PGAP4: variants seen among roughly 807,000 people sequenced by gnomAD.
PGAP4 encodes GPI-N-acetylgalactosamine transferase PGAP4.
PGAP4 carries 12 observed loss-of-function variants against 28.2 expected under a neutral mutation model. The observed-to-expected ratio is 0.42, with a 90% CI of 0.27 to 0.69. The LOEUF (loss-of-function observed/expected upper bound fraction) is 0.69, where lower values mean the gene tolerates loss of function less well. PGAP4 is among the 30% of genes least tolerant of loss of function. PGAP4 has a pLI of 0.22. For synonymous variants in PGAP4, 205 were observed against 211.8 expected, an observed-to-expected ratio of 0.97 and a Z score of 0.28; for missense variants, 425 against 513.5, an observed-to-expected ratio of 0.83 and a Z score of 1.67.
intron 2 of PGAP4, chr9:101,501,691 T>C (rs1421696639): frequency 1.9e-6 from 1 of 518,598 alleles, no homozygotes; most frequent in South Asian, 1.4e-5. Flanking sequence ...CCACATTCAC[T>C]GAGTAGAACT....
chr9:101,508,383 C>T (rs1283317156), intron 2 of PGAP4, among the ~76,000 whole-genome samples: 2 of 152,194 alleles, frequency 1.3e-5, no homozygotes, highest in East Asian at 1.9e-4. Context: ...GATTTCTTCA[C>T]ATCTGCAGGC....
At chr9:101,511,757 A>G (rs1214769592) in intron 2 of PGAP4, among the ~76,000 whole-genome samples, 1 of 152,002 alleles carries the variant, frequency 6.6e-6, no homozygotes, top group Middle Eastern at 3.4e-3. Flanking sequence ...TCCTGGGATG[A>G]CTCCTGTCCA....
intron 2 of PGAP4, among the ~76,000 whole-genome samples, chr9:101,503,241 A>G (rs1826819053): frequency 6.6e-6 from 1 of 152,092 alleles, no homozygotes; most frequent in Non-Finnish European, 1.5e-5. Context: ...AAAAGCTTCA[A>G]GTTAAAGATG....
At chr9:101,505,148 A>T (rs1826839557) in intron 2 of PGAP4, among the ~76,000 whole-genome samples, 1 of 152,150 alleles carries the variant, frequency 6.6e-6, no homozygotes, top group East Asian at 1.9e-4. Context: ...TCCACTTTGC[A>T]GTAAGCCTAT....
rs570134981 is a variant in PGAP4, at chr9:101,496,660, A to G, written c.-164-7460T>C. Among the ~76,000 whole-genome samples the G allele has an allele frequency of 1.0e-3, 156 of 151,524 alleles. 1 individual carries two copies. In the Middle Eastern group the frequency reaches 0.029, roughly 28 times the overall value. On this transcript the variant is annotated intron_variant, in intron 2 of 3. Transcript: ENST00000374851. ...AGAACTTGTATACACCATTGATTAC[A>G]TGTTTAGACATTTTGGTTTGTCTTA...
In PGAP4 at chr9:101,474,135, G is replaced by T. The variant is rs981270476; in HGVS notation, c.*1746C>A. The T allele has an allele frequency of 6.6e-6, 1 of 152,154 alleles. No homozygotes were observed. Among genetic ancestry groups the T allele is most frequent in the Non-Finnish European group, 1.5e-5 (1 of 68,032 alleles). 9.4% of individuals were successfully genotyped at this position (152,154 alleles called of 1,614,324 possible). A position where few individuals can be genotyped will look rare whatever the true frequency, so the allele number is the denominator to read the frequency against. On this transcript the variant is annotated 3_prime_UTR_variant, in exon 2 of 2. Transcript: ENST00000374848. ...TAATGTGGTTAAGAAAAAAGTGCAG[G>T]GGCTTGAAGTCAGAAGAGCTCCGTT...
rs1330183668 is a variant in PGAP4, at chr9:101,476,820, G to A, written c.273C>T (p.Pro91=). ...GCCGGGGGGTGGCCTGCCAGACAAT[G>A]GGCACTGAGCCATTGGCAGAGGGAA... is the stretch of plus-strand genomic sequence containing the variant. The part of the protein sequence containing the change: ...EELPSANGSV[P]IVWQATPRPW... Residue 91 remains proline, a synonymous_variant, in exon 2 of 2, where the codon CCC becomes CCT. Coordinates refer to ENST00000374848, the MANE Select transcript of PGAP4 (RefSeq NM_032342.3). The surrounding 1 kb of genome is among the most constrained non-coding windows in gnomAD (Gnocchi z 7.0). The A allele has an allele frequency of 6.2e-7, 1 of 1,610,372 alleles. No individual in the cohort carries two copies. The highest frequency in any genetic ancestry group is 8.5e-7 in the Non-Finnish European group (1 of 1,178,040).
rs1174600787 is a variant in PGAP4, at chr9:101,486,481, C to A, written c.-78+468G>T. Among the ~76,000 whole-genome samples the A allele has an allele frequency of 6.6e-6, 1 of 152,212 alleles. No homozygotes were observed. The highest frequency in any genetic ancestry group is 2.4e-5 in the African/African-American group (1 of 41,472). On this transcript the variant is annotated intron_variant, in intron 1 of 1. Transcript: ENST00000374848. The surrounding 1 kb of genome is among the most constrained non-coding windows in gnomAD (Gnocchi z 4.7). ...GCCCGGCGAACCTAAGGTGTGGACG[C>A]GCCGCGAGGGTCCCCTGCTTGCGGG...
rs1043091503 is a variant in PGAP4, at chr9:101,476,670, G to A, written c.423C>T (p.Leu141=). The part of the protein sequence containing the change: ...QCGPQCEGHQ[L]FLCNVERSVS... ...CACTACGCTCCACGTTGCACAGGAA[G>A]AGTTGGTGCCCCTCGCACTGGGGGC... Residue 141 remains leucine, a synonymous_variant, in exon 2 of 2, where the codon CTC becomes CTT. Coordinates refer to ENST00000374848, the MANE Select transcript of PGAP4 (RefSeq NM_032342.3). This position sits in a 1 kb window ranked among gnomAD's most constrained non-coding sequence, Gnocchi z 7.0. 3.7e-6 allele frequency: 6 copies of A among 1,614,082 alleles called. No homozygotes were observed. The highest frequency in any genetic ancestry group is 5.1e-6 in the Non-Finnish European group (6 of 1,180,050).
At chr9:101,526,609 C>T (rs892737793) in intron 2 of PGAP4, among the ~76,000 whole-genome samples, 3 of 152,066 alleles carry the variant, frequency 2.0e-5, no homozygotes, top group African/African-American at 7.2e-5. Context: ...GCCACCATGC[C>T]TGGCTAATTT....
chr9:101,495,724 C>G (rs1040090114), intron 2 of PGAP4, among the ~76,000 whole-genome samples: 1 of 150,358 alleles, frequency 6.7e-6, no homozygotes, highest in East Asian at 1.9e-4. Context: ...ATCCATGTAG[C>G]TTTCTTTATT....
At chr9:101,478,896 T>C (rs1481760023) in intron 1 of PGAP4, among the ~76,000 whole-genome samples, 9 of 152,196 alleles carry the variant, frequency 5.9e-5, no homozygotes, top group Non-Finnish European at 1.2e-4. Flanking sequence ...TTGGACTTTA[T>C]TACAGCAGTT....
chr9:101,506,172 G>A (rs1001860883), intron 2 of PGAP4, among the ~76,000 whole-genome samples: 9 of 152,088 alleles, frequency 5.9e-5, no homozygotes, highest in Admixed American at 2.6e-4. Flanking sequence ...ATGACACCAG[G>A]ACTGATGGGC....
upstream of PGAP4, among the ~76,000 whole-genome samples, chr9:101,490,704 G>A (rs1826679674): frequency 6.6e-6 from 1 of 152,182 alleles, no homozygotes; most frequent in Non-Finnish European, 1.5e-5. Context: ...GCTATATAGT[G>A]GTGCCTTTCT....
chr9:101,514,130 A>G (rs1021988483), intron 2 of PGAP4, among the ~76,000 whole-genome samples: 5 of 152,002 alleles, frequency 3.3e-5, no homozygotes, highest in African/African-American at 9.7e-5. Flanking sequence ...GAACACCCTC[A>G]CAGATAGCCA....
intron 1 of PGAP4, among the ~76,000 whole-genome samples, chr9:101,478,082 T>TC (rs1325046699): frequency 6.6e-6 from 1 of 152,240 alleles, no homozygotes; most frequent in African/African-American, 2.4e-5. Flanking sequence ...AGTTTACCTC[T>TC]CCATATCTTA....
chr9:101,492,069 A>G (rs1048971213), upstream of PGAP4, among the ~76,000 whole-genome samples: 74 of 152,030 alleles, frequency 4.9e-4, no homozygotes, highest in African/African-American at 1.7e-3. Context: ...TGTTAAACAC[A>G]TAATTGTGAA....
intron 2 of PGAP4, among the ~76,000 whole-genome samples, chr9:101,509,550 C>G (rs1311607178): frequency 6.6e-6 from 1 of 152,136 alleles, no homozygotes; most frequent in Non-Finnish European, 1.5e-5. Flanking sequence ...CTTTAGAAAG[C>G]TATCTCACTT....
At chr9:101,531,631 C>T (rs974698517) in intron 1 of PGAP4, 6 of 152,226 alleles carry the variant, frequency 3.9e-5, no homozygotes, top group Non-Finnish European at 7.3e-5. Flanking sequence ...CAATTGCTGA[C>T]TAGGACTTTG....
Sources: gnomAD v4.1 joint callset for allele counts (sites outside exome capture counted in the v4.1 genomes callset) on GRCh38, gnomAD v4.1.1 for gene constraint, Gnocchi (gnomAD v3.1) non-coding constraint, MANE v1.5 for transcripts, NCBI Gene and HGNC (gene_info 2026-07-23, HGNC 2026-07-21) for gene names.